Variants in DAW1 observed in about 807,000 individuals in gnomAD.
DAW1 encodes the protein dynein assembly factor with WD repeats 1.
A neutral mutation model predicts 56.5 loss-of-function variants in DAW1; 47 were observed. That is an observed-to-expected ratio of 0.83 (90% CI 0.66 to 1.06). DAW1 has a LOEUF of 1.06. Among genes scored for constraint, DAW1 ranks in the 50% least tolerant of loss-of-function variants. The probability of loss-of-function intolerance (pLI) is 0.00; values close to 1 mark genes in which losing one functional copy is unlikely to be tolerated. For missense variants in DAW1, 505 were observed against 499.3 expected, an observed-to-expected ratio of 1.01 and a Z score of -0.11; for synonymous variants, 190 against 179.0, an observed-to-expected ratio of 1.06 and a Z score of -0.49.
At chr2:227,918,420 G>A (rs1721354) in intron 10 of DAW1, among the ~76,000 whole-genome samples, 2 of 152,182 alleles carry the variant, frequency 1.3e-5, no homozygotes, top group Non-Finnish European at 2.9e-5. Context: ...CACACCTAGT[G>A]TATCATGCTG....
chr2:227,913,365 C>G (rs1423738039), intron 10 of DAW1, among the ~76,000 whole-genome samples: 1 of 152,132 alleles, frequency 6.6e-6, no homozygotes, highest in Non-Finnish European at 1.5e-5. Context: ...CTCCCTATTT[C>G]TGAGTCATCA....
chr2:227,919,571 G>A (rs1692056970), intron 11 of DAW1, among the ~76,000 whole-genome samples: 1 of 152,178 alleles, frequency 6.6e-6, no homozygotes, highest in African/African-American at 2.4e-5. Flanking sequence ...AATTGAGGAA[G>A]TAGTTCCTGG....
intron 10 of DAW1, chr2:227,912,368 A>G (rs1691849976): frequency 7.7e-7 from 1 of 1,304,394 alleles, no homozygotes; most frequent in African/African-American, 1.5e-5. Context: ...GAGTTATGTC[A>G]CGTTCTTGGT....
intron 7 of DAW1, among the ~76,000 whole-genome samples, chr2:227,904,131 C>G (rs895773006): frequency 1.8e-4 from 28 of 152,102 alleles, no homozygotes; most frequent in African/African-American, 6.5e-4. Context: ...GCTTGGCACA[C>G]CTGTCTGCGC....
chr2:227,883,705 C>G (rs1043412633), intron 1 of DAW1, among the ~76,000 whole-genome samples: 3 of 152,130 alleles, frequency 2.0e-5, no homozygotes, highest in African/African-American at 7.2e-5. Flanking sequence ...AATGCAGAAG[C>G]AGAGATGAGA....
intron 1 of DAW1, among the ~76,000 whole-genome samples, chr2:227,878,019 C>A (rs2106185486): frequency 6.6e-6 from 1 of 152,326 alleles, no homozygotes; most frequent in South Asian, 2.1e-4. Context: ...GACTTCGAAC[C>A]TTTTTACTTT....
intron 2 of DAW1, 99 bp downstream of exon 2, chr2:227,885,522 TG>T: frequency 1.1e-6 from 1 of 893,768 alleles, no homozygotes; most frequent in Non-Finnish European, 1.6e-6. Flanking sequence ...TAATACATTA[TG>T]TTTTAAAAAT....
chr2:227,884,773 A>G (rs978922823), intron 1 of DAW1, among the ~76,000 whole-genome samples: 1 of 152,180 alleles, frequency 6.6e-6, no homozygotes, highest in African/African-American at 2.4e-5. Flanking sequence ...CCTGGATGTC[A>G]CCGTTGCCCC....
chr2:227,871,846 A>G, intron 1 of DAW1, 117 bp downstream of exon 1: 1 of 1,409,602 alleles, frequency 7.1e-7, no homozygotes, highest in Non-Finnish European at 9.8e-7. Context: ...CAGGTGGGGC[A>G]GGAAGTCGGG....
chr2:227,895,412 A>G (rs1691383642), intron 5 of DAW1: 1 of 152,252 alleles, frequency 6.6e-6, no homozygotes, highest in South Asian at 2.1e-4. Context: ...TGGTTCATTT[A>G]CTATAGTGTT....
At chr2:227,902,591 G>A (rs1691572951) in intron 6 of DAW1, among the ~76,000 whole-genome samples, 1 of 152,104 alleles carries the variant, frequency 6.6e-6, no homozygotes, top group South Asian at 2.1e-4. Context: ...CCACGTGAAG[G>A]CCACCTAAGA....
intron 4 of DAW1, among the ~76,000 whole-genome samples, chr2:227,891,632 C>T (rs1490815079): frequency 6.6e-6 from 1 of 152,164 alleles, no homozygotes; most frequent in Admixed American, 6.5e-5. Flanking sequence ...AGAGCAGGCA[C>T]TTTCCATCTA....
At chr2:227,872,932 G>A (rs1243469136) in intron 1 of DAW1, among the ~76,000 whole-genome samples, 1 of 152,124 alleles carries the variant, frequency 6.6e-6, no homozygotes, top group African/African-American at 2.4e-5. Flanking sequence ...TCTGCCACTA[G>A]GAGCCAGTGG....
rs767092391 is a variant in DAW1 at position 227,902,991 on chromosome 2, A to G, written c.541-11A>G. The G allele has an allele frequency of 1.1e-5, 18 of 1,612,430 alleles. No homozygotes were observed. The highest frequency in any genetic ancestry group is 1.3e-5 in the Non-Finnish European group (15 of 1,179,434). On this transcript the variant is annotated splice_polypyrimidine_tract_variant and intron_variant, in intron 6 of 12. Transcript: ENST00000309931. Reference sequence around the variant, plus strand: ...GTCTTCCTAAAATTTCTCCCATTTTATGTAATTTAGGTGTGTTTATCATTT... The same window carrying G: ...GTCTTCCTAAAATTTCTCCCATTTTGTGTAATTTAGGTGTGTTTATCATTT...
rs929594603 is a variant in DAW1, at chr2:227,907,402, T to C, written c.973+150T>C. 3.9e-5 allele frequency: 24 copies of C among 620,794 alleles called. No homozygotes were observed. The African/African-American group carries it at 4.2e-4, about 11-fold the overall frequency. The allele number at this position is 620,794 out of a possible 1,614,324, so 38.5% of individuals were successfully genotyped here. ...TCTATCGTGACCATGTATGGCACAA[T>C]AGTGTGTCTATATCATATACCTGAT... On this transcript the variant is annotated intron_variant, in intron 10 of 12. Coordinates refer to ENST00000309931, the MANE Select transcript of DAW1 (RefSeq NM_178821.3).
chr2:227,888,067 C>T (rs1337567395), intron 2 of DAW1, among the ~76,000 whole-genome samples: 2 of 152,066 alleles, frequency 1.3e-5, no homozygotes, highest in Non-Finnish European at 2.9e-5. Flanking sequence ...CAGGGTTTAT[C>T]CAAGTTATTA....
intron 2 of DAW1, among the ~76,000 whole-genome samples, chr2:227,888,967 G>A (rs989113323): frequency 3.3e-5 from 5 of 151,920 alleles, no homozygotes; most frequent in African/African-American, 1.2e-4. Flanking sequence ...TTTATGGTTA[G>A]GCATTTTTCT....
chr2:227,919,675 A>G (rs1225283053), intron 11 of DAW1, among the ~76,000 whole-genome samples: 20 of 152,176 alleles, frequency 1.3e-4, no homozygotes, highest in Admixed American at 1.2e-3. Flanking sequence ...ACTTCCCCCA[A>G]AGGATCATTC....
At chr2:227,878,826 T>C (rs973953435) in intron 1 of DAW1, among the ~76,000 whole-genome samples, 2 of 123,830 alleles carry the variant, frequency 1.6e-5, no homozygotes, top group East Asian at 4.7e-4. Flanking sequence ...TTTTTTTTTT[T>C]GCCCAGGGTG....
Sources: allele counts gnomAD v4.1 joint callset (sites outside exome capture counted in the v4.1 genomes callset), GRCh38; gene constraint gnomAD v4.1.1; transcripts MANE v1.5; gene names NCBI Gene and HGNC (gene_info 2026-07-23, HGNC 2026-07-21).